Variants in ARFGEF3 observed in about 807,000 individuals in gnomAD.
ARFGEF3 encodes the protein ARFGEF family member 3, also known as brefeldin A-inhibited guanine nucleotide-exchange protein 3.
In ARFGEF3, 96 loss-of-function variants were observed where a neutral mutation model predicts 221.7. The observed-to-expected ratio is 0.43, with a 90% confidence interval of 0.37 to 0.51. The LOEUF is 0.51. ARFGEF3 is among the 20% of genes least tolerant of loss of function. ARFGEF3 has a pLI of 0.00. For synonymous variants in ARFGEF3, 1,145 were observed against 1,126.8 expected, an observed-to-expected ratio of 1.02 and a Z score of -0.32; for missense variants, 2,410 against 2,789.9, an observed-to-expected ratio of 0.86 and a Z score of 3.07.
intron 5 of ARFGEF3, among the ~76,000 whole-genome samples, chr6:138,230,327 T>C (rs1326031119): frequency 6.6e-6 from 1 of 152,240 alleles, no homozygotes; most frequent in Non-Finnish European, 1.5e-5. Flanking sequence ...CAATCTGTAT[T>C]GCAGCCCAGA....
chr6:138,323,646 C>A, intron 29 of ARFGEF3, 25 bp from the exon 30 acceptor site: 2 of 1,568,036 alleles, frequency 1.3e-6, no homozygotes, highest in Non-Finnish European at 1.7e-6. Context: ...AAAAAAAAAA[C>A]TCCTTTACTT....
intron 8 of ARFGEF3, among the ~76,000 whole-genome samples, chr6:138,246,122 A>G (rs1444570947): frequency 6.6e-6 from 1 of 152,216 alleles, no homozygotes; most frequent in Non-Finnish European, 1.5e-5. Flanking sequence ...AGCTTAATCA[A>G]TATCTGAGTT....
At chr6:138,276,545 T>C (rs1229014725) in intron 12 of ARFGEF3, among the ~76,000 whole-genome samples, 1 of 152,204 alleles carries the variant, frequency 6.6e-6, no homozygotes, top group Non-Finnish European at 1.5e-5. Flanking sequence ...TATTATTTAA[T>C]GGTTTTTTTT....
At chr6:138,231,422 C>T (rs927141801) in intron 5 of ARFGEF3, among the ~76,000 whole-genome samples, 68 of 150,518 alleles carry the variant, frequency 4.5e-4, no homozygotes, top group African/African-American at 1.6e-3. Flanking sequence ...GATATGAAGC[C>T]GGCTCTACAC....
At chr6:138,182,491 C>T (rs2114450842) in intron 2 of ARFGEF3, among the ~76,000 whole-genome samples, 1 of 152,274 alleles carries the variant, frequency 6.6e-6, no homozygotes, top group East Asian at 1.9e-4. Context: ...GGAGCCAGTG[C>T]TTTTAAAAGA....
At chr6:138,310,720 G>A (rs112324578) in intron 24 of ARFGEF3, among the ~76,000 whole-genome samples, 4 of 152,274 alleles carry the variant, frequency 2.6e-5, no homozygotes, top group South Asian at 2.1e-4. Context: ...AAATAGATTC[G>A]AGAAGAAAAA....
In ARFGEF3 at chr6:138,263,357, C is replaced by T. The variant is rs2114591556; in HGVS notation, c.1874C>T (p.Ser625Phe). 1 of 1,614,004 alleles carries T rather than the reference C, an allele frequency of 6.2e-7. No individual in the cohort carries two copies. Among genetic ancestry groups the T allele is most frequent in the Non-Finnish European group, 8.5e-7 (1 of 1,179,882 alleles). ...SMAAEKDSGR[S>F]DVSDIGSDNC... is the part of the protein sequence containing the mutation. ...GCAGCAGAAAAGGACTCGGGCAGGT[C>T]CGACGTGTCAGACATTGGGTCGGAC... is the stretch of plus-strand genomic sequence containing the variant. The change falls in exon 12 of 34, where the codon TCC becomes TTC. Residue 625 changes from serine to phenylalanine, a missense_variant. By Grantham distance (155) the Ser-to-Phe change is radical (BLOSUM62 -2). Transcript: ENST00000251691.
At chr6:138,218,476 C>T (rs139990493) in intron 4 of ARFGEF3, 39 of 1,455,108 alleles carry the variant, frequency 2.7e-5, no homozygotes, top group Middle Eastern at 4.8e-4. Flanking sequence ...TTAGCCACCT[C>T]GATATATTTA....
intron 4 of ARFGEF3, chr6:138,216,798 G>A (rs1293874361): frequency 2.6e-5 from 4 of 152,222 alleles, no homozygotes; most frequent in Non-Finnish European, 4.4e-5. Context: ...ACTCCTGAAT[G>A]TGTCGTTGTT....
chr6:138,210,069 G>A (rs371306054), intron 4 of ARFGEF3, 28 bp downstream of exon 4: 66 of 1,609,750 alleles, frequency 4.1e-5, no homozygotes, highest in African/African-American at 1.6e-4. Context: ...AAGAGTGTGC[G>A]TCACTGGGAC....
At chr6:138,329,473 G>A (rs1780182389) in intron 32 of ARFGEF3, among the ~76,000 whole-genome samples, 1 of 152,050 alleles carries the variant, frequency 6.6e-6, no homozygotes, top group Admixed American at 6.5e-5. Context: ...AGACCAGCCT[G>A]GCCAACATGG....
chr6:138,176,322 C>T (rs992829602), intron 2 of ARFGEF3, among the ~76,000 whole-genome samples: 6 of 151,934 alleles, frequency 3.9e-5, no homozygotes, highest in African/African-American at 1.5e-4. Context: ...GCTGGGACTA[C>T]AGGCACAGCG....
chr6:138,238,629 A>G lies in ARFGEF3; in HGVS notation c.541A>G (p.Thr181Ala). ...TLQLRQRQEN[T>A]IIENPDVPQD... ...ACAGTTACGACAGAGGCAGGAGAAT[A>G]CGGTGAGTCTGTGACACCCCCATGT... is the stretch of plus-strand genomic sequence containing the variant. The change falls in exon 6 of 34, where the codon ACG becomes GCG. Residue 181 changes from threonine (T) to alanine (A), a missense_variant and splice_region_variant. Transcript: ENST00000251691. 2 of 1,613,266 alleles carry G rather than the reference A, an allele frequency of 1.2e-6. No individual in the cohort carries two copies. The highest frequency in any genetic ancestry group is 1.7e-6 in the Non-Finnish European group (2 of 1,179,524).
At chr6:138,215,803 A>G (rs1777831928) in intron 4 of ARFGEF3, among the ~76,000 whole-genome samples, 1 of 149,944 alleles carries the variant, frequency 6.7e-6, no homozygotes, top group Non-Finnish European at 1.5e-5. Flanking sequence ...TGAAGAAGGA[A>G]TCTAAGTGTC....
Position 138,280,070 on chromosome 6 carries a change from C to T in ARFGEF3, c.2367C>T (p.Leu789=). The stretch of plus-strand genomic sequence containing the variant: ...TCTCTCAGGCCTGGATTGAGGAGCT[C>T]TACCATCAGGTGCTCGACAGGAACA... ...MVFSQAWIEE[L]YHQVLDRNML... The change falls in exon 14 of 34, where the codon CTC becomes CTT. Residue 789 remains leucine, a synonymous_variant. Transcript: ENST00000251691. 1 of 1,613,896 alleles carries T rather than the reference C, an allele frequency of 6.2e-7. No individual in the cohort carries two copies.
chr6:138,218,984 G>T (rs1488183455), intron 4 of ARFGEF3, among the ~76,000 whole-genome samples: 1 of 151,940 alleles, frequency 6.6e-6, no homozygotes, highest in Non-Finnish European at 1.5e-5. Context: ...TATTTTTGTT[G>T]CCAACAGTGC....
At chr6:138,212,888 G>T (rs1330704886) in intron 4 of ARFGEF3, among the ~76,000 whole-genome samples, 1 of 152,104 alleles carries the variant, frequency 6.6e-6, no homozygotes, top group East Asian at 1.9e-4. Context: ...GGGAGGGATA[G>T]CATTAGGAGA....
rs536726129 is a variant in ARFGEF3 at position 138,177,270 on chromosome 6, G to T, written c.137+6557G>T. ...CACCCAGCTAATTTCTGTATTTTTT[G>T]TTTGTTTGTTTGTTTATTTGTTTGT... On this transcript the variant is annotated intron_variant, in intron 2 of 33. Transcript: ENST00000251691. 5.4e-5 allele frequency among the ~76,000 whole-genome samples: 8 copies of T among 148,260 alleles called. No homozygotes were observed. The South Asian group carries it at 1.5e-3, about 28-fold the overall frequency.
chr6:138,316,158 C>T (rs1779922485), intron 26 of ARFGEF3, among the ~76,000 whole-genome samples: 1 of 151,956 alleles, frequency 6.6e-6, no homozygotes. Flanking sequence ...TTTCTAGGAA[C>T]CCCATCTTCT....
Sources: gnomAD v4.1 joint callset for allele counts (sites outside exome capture counted in the v4.1 genomes callset) on GRCh38, gnomAD v4.1.1 for gene constraint, MANE v1.5 for transcripts, NCBI Gene and HGNC (gene_info 2026-07-23, HGNC 2026-07-21) for gene names.